The following TYW3 variants were observed in gnomAD, a reference collection of about 807,000 sequenced individuals.
The protein encoded by TYW3 is tRNA-yW synthesizing protein 3 homolog.
TYW3 carries 26 observed loss-of-function variants against 23.1 expected under a neutral mutation model. The ratio of observed to expected loss-of-function variants is 1.13; its 90% confidence interval spans 0.83 to 1.56. The LOEUF (loss-of-function observed/expected upper bound fraction) is 1.56. Ranked by LOEUF, TYW3 falls within the 40% of genes most tolerant of loss-of-function variation. The probability of loss-of-function intolerance (pLI) is 0.00; values close to 1 mark genes in which losing one functional copy is unlikely to be tolerated. For synonymous variants in TYW3, 102 were observed against 105.7 expected, an observed-to-expected ratio of 0.97 and a Z score of 0.21; for missense variants, 316 against 311.9, an observed-to-expected ratio of 1.01 and a Z score of -0.10.
chr1:74,751,612 G>C (rs1402731217), intron 4 of TYW3, among the ~76,000 whole-genome samples: 1 of 151,976 alleles, frequency 6.6e-6, no homozygotes, highest in Non-Finnish European at 1.5e-5. Flanking sequence ...GGAGGTTGCT[G>C]TGAGCCGAGA....
intron 5 of TYW3, among the ~76,000 whole-genome samples, chr1:74,762,713 A>G: frequency 6.6e-6 from 1 of 152,178 alleles, no homozygotes; most frequent in East Asian, 1.9e-4. Context: ...ATCCAGCTTT[A>G]TAAATGTGAA....
intron 5 of TYW3, among the ~76,000 whole-genome samples, chr1:74,756,041 A>G (rs1470128902): frequency 6.6e-6 from 1 of 152,200 alleles, no homozygotes; most frequent in African/African-American, 2.4e-5. Context: ...GCCTGCTGCC[A>G]TGTGAGACAT....
At chr1:74,761,443 G>C (rs896809258) in intron 5 of TYW3, among the ~76,000 whole-genome samples, 1 of 151,536 alleles carries the variant, frequency 6.6e-6, no homozygotes, top group East Asian at 1.9e-4. Flanking sequence ...GATCATAAAG[G>C]AGCAATTTAA....
At chr1:74,757,322 G>A (rs1430263526) in intron 5 of TYW3, among the ~76,000 whole-genome samples, 1 of 152,166 alleles carries the variant, frequency 6.6e-6, no homozygotes, top group Non-Finnish European at 1.5e-5. Flanking sequence ...TGTGAAGGTA[G>A]CCAGAAGGGA....
At chr1:74,745,484 G>C (rs567939395) in intron 3 of TYW3, among the ~76,000 whole-genome samples, 66 of 152,248 alleles carry the variant, frequency 4.3e-4, no homozygotes, top group Middle Eastern at 3.4e-3. Context: ...CGTTTTTACA[G>C]AGTGCTGATT....
At chr1:74,748,648 T>G (rs952636676) in intron 3 of TYW3, 103 bp from the exon 4 acceptor site, 3 of 1,226,306 alleles carry the variant, frequency 2.4e-6, no homozygotes, top group Non-Finnish European at 3.5e-6. Context: ...TTTAAAAACC[T>G]TAATAGCTTT....
intron 1 of TYW3, 93 bp downstream of exon 1, chr1:74,733,511 CTGT>C: frequency 3.9e-6 from 6 of 1,522,442 alleles, no homozygotes; most frequent in Middle Eastern, 3.8e-4. Context: ...TCCAGCATGT[CTGT>C]GTTTGCTCCT....
At chr1:74,742,858 A>G (rs185611046) in intron 3 of TYW3, among the ~76,000 whole-genome samples, 71 of 152,314 alleles carry the variant, frequency 4.7e-4, no homozygotes, top group African/African-American at 1.5e-3. Context: ...AGGCTGTCCC[A>G]GGATTCCTTG....
chr1:74,754,932 A>G (rs1648903305), intron 5 of TYW3, among the ~76,000 whole-genome samples: 2 of 152,180 alleles, frequency 1.3e-5, no homozygotes, highest in Admixed American at 6.5e-5. Flanking sequence ...TTGGATAGCT[A>G]TTGACTGACT....
intron 5 of TYW3, 73 bp from the exon 6 acceptor site, chr1:74,763,821 T>A (rs1402422185): frequency 8.6e-7 from 1 of 1,166,726 alleles, no homozygotes; most frequent in Non-Finnish European, 1.2e-6. Context: ...ACATAACTTA[T>A]AAGCTCTTGG....
intron 5 of TYW3, among the ~76,000 whole-genome samples, chr1:74,756,771 T>C (rs926037034): frequency 1.1e-4 from 16 of 152,226 alleles, no homozygotes; most frequent in African/African-American, 3.9e-4. Context: ...AAAATGTCTC[T>C]AGGGCATGTC....
chr1:74,742,790 C>T (rs777265756), intron 3 of TYW3, among the ~76,000 whole-genome samples: 3 of 152,200 alleles, frequency 2.0e-5, no homozygotes, highest in Non-Finnish European at 4.4e-5. Flanking sequence ...AGCATACTTA[C>T]TATCTGTAAC....
Position 74,733,231 on chromosome 1 carries a change from T to A in TYW3, c.-14T>A. The A allele has an allele frequency of 6.2e-7, 1 of 1,613,396 alleles. No individual in the cohort carries two copies. The highest frequency in any genetic ancestry group is 8.5e-7 in the Non-Finnish European group (1 of 1,179,648). ...CCATGAAGGAGCCGAGCGCAGACCCTGAGTCCGTCACCCATGGATCGCAGC... is the reference window on the plus strand; with the variant it reads ...CCATGAAGGAGCCGAGCGCAGACCCAGAGTCCGTCACCCATGGATCGCAGC... On this transcript the variant is annotated 5_prime_UTR_variant, in exon 1 of 6. An upstream open reading frame in the 5' UTR loses its in-frame stop. Transcript: ENST00000370867.
chr1:74,762,129 G>C (rs1218028248), intron 5 of TYW3, among the ~76,000 whole-genome samples: 1 of 152,098 alleles, frequency 6.6e-6, no homozygotes, highest in Non-Finnish European at 1.5e-5. Flanking sequence ...CACAGCACTA[G>C]ATATCAAGGT....
intron 3 of TYW3, among the ~76,000 whole-genome samples, chr1:74,748,124 C>T (rs1184153954): frequency 8.1e-6 from 1 of 123,174 alleles, no homozygotes; most frequent in East Asian, 2.6e-4. Flanking sequence ...GATCTCCCTT[C>T]CTCTTCCCTT....
intron 5 of TYW3, among the ~76,000 whole-genome samples, chr1:74,763,468 AATAC>A (rs1649195898): frequency 1.3e-5 from 2 of 152,148 alleles, no homozygotes; most frequent in South Asian, 2.1e-4. Context: ...TTAATTAATA[AATAC>A]ATTAATTCAG....
At chr1:74,752,970 T>A (rs568048126) in intron 5 of TYW3, among the ~76,000 whole-genome samples, 17 of 152,322 alleles carry the variant, frequency 1.1e-4, no homozygotes, top group South Asian at 8.3e-4. Context: ...TCATTTCACA[T>A]CTCCATACTT....
rs200720994 is a variant in TYW3 at position 74,764,017 on chromosome 1, T to C, written c.684T>C (p.Arg228=). ...AAAAAAGAAACCCAGAAAAAACACGTGCCCAGTGTATTACTAAAGAAAGTG... is the reference window on the plus strand; with the variant it reads ...AAAAAAGAAACCCAGAAAAAACACGCGCCCAGTGTATTACTAAAGAAAGTG... ...HKKKRNPEKT[R]AQCITKESDE... is the part of the protein sequence containing the mutation. Residue 228 remains arginine (R), a synonymous_variant, in exon 6 of 6, where the codon CGT becomes CGC. Transcript: ENST00000370867. The C allele has an allele frequency of 6.2e-7, 1 of 1,612,654 alleles. No homozygotes were observed. Among genetic ancestry groups the C allele is most frequent in the East Asian group, 2.2e-5 (1 of 44,842 alleles).
At chr1:74,746,822 CAA>C (rs1399314031) in intron 3 of TYW3, among the ~76,000 whole-genome samples, 2 of 152,154 alleles carry the variant, frequency 1.3e-5, no homozygotes, top group East Asian at 1.9e-4. Flanking sequence ...GCCTGGGTGA[CAA>C]GAGTGGAACT....
Sources: allele counts gnomAD v4.1 joint callset (sites outside exome capture counted in the v4.1 genomes callset), GRCh38; gene constraint gnomAD v4.1.1; transcripts MANE v1.5; gene names NCBI Gene and HGNC (gene_info 2026-07-23, HGNC 2026-07-21).